PPP2R2B: variants seen among roughly 807,000 people sequenced by gnomAD.
PPP2R2B encodes the protein protein phosphatase 2 regulatory subunit Bbeta.
PPP2R2B carries 5 observed loss-of-function variants against 46.0 expected under a neutral mutation model. The observed-to-expected ratio is 0.11, with a 90% confidence interval of 0.06 to 0.23. PPP2R2B has a LOEUF of 0.23. PPP2R2B is among the 10% of genes least tolerant of loss of function. PPP2R2B has a pLI of 1.00. For missense variants in PPP2R2B, 367 were observed against 575.0 expected, an observed-to-expected ratio of 0.64 and a Z score of 3.70; for synonymous variants, 215 against 206.7, an observed-to-expected ratio of 1.04 and a Z score of -0.34.
rs184236275 is a variant in PPP2R2B at position 146,872,996 on chromosome 5, G to A, written c.70+5006C>T. On this transcript the variant is annotated intron_variant, in intron 2 of 9. Coordinates refer to ENST00000394411, the MANE Select transcript of PPP2R2B (RefSeq NM_181675.4). ...TGTTTAATCTCAAATTTATTATCTA[G>A]TCCAGGTCTTTCTCTTGAGCTTCAG... is the stretch of plus-strand genomic sequence containing the variant. 3.9e-4 allele frequency among the ~76,000 whole-genome samples: 59 copies of A among 152,152 alleles called. 2 individuals are homozygous for A. Among genetic ancestry groups the A allele is most frequent in the Admixed American group, 3.3e-3 (50 of 15,282 alleles).
intron 2 of PPP2R2B, among the ~76,000 whole-genome samples, chr5:146,711,932 C>T (rs1468559751): frequency 1.3e-5 from 2 of 152,124 alleles, no homozygotes; most frequent in Non-Finnish European, 2.9e-5. Flanking sequence ...GGAAACACAT[C>T]TCAGCCATAT....
At chr5:147,014,509 G>A (rs911341268) in intron 1 of PPP2R2B, among the ~76,000 whole-genome samples, 4 of 152,018 alleles carry the variant, frequency 2.6e-5, no homozygotes, top group Non-Finnish European at 5.9e-5. Flanking sequence ...ATGATAGACT[G>A]GATTAAGAAA....
At position 146,878,387 on chromosome 5, in the gene PPP2R2B, A is replaced by C; in HGVS notation, c.-124-192T>G. 7.0e-7 allele frequency: 1 copy of C among 1,428,340 alleles called. No homozygotes were observed. 88.5% of individuals were successfully genotyped at this position (1,428,340 alleles called of 1,614,324 possible). On this transcript the variant is annotated intron_variant, in intron 1 of 9. Transcript: ENST00000394411. The surrounding 1 kb of genome is among the most constrained non-coding windows in gnomAD (Gnocchi z 4.5). Reference sequence around the variant, plus strand: ...GGGTGCCAAGATACGCCGTGCCCCGAGGGGTCTGGTCCCGCCCGCCCGCCC... The same window carrying C: ...GGGTGCCAAGATACGCCGTGCCCCGCGGGGTCTGGTCCCGCCCGCCCGCCC...
chr5:146,649,934 T>A (rs1356445347), intron 6 of PPP2R2B, among the ~76,000 whole-genome samples: 1 of 152,170 alleles, frequency 6.6e-6, no homozygotes, highest in African/African-American at 2.4e-5. Flanking sequence ...CCTCTGAAAT[T>A]TCATCAAACT....
intron 2 of PPP2R2B, among the ~76,000 whole-genome samples, chr5:146,809,199 C>T (rs187374167): frequency 9.2e-5 from 14 of 152,212 alleles, no homozygotes; most frequent in Admixed American, 5.9e-4. Context: ...TCTATGTGGC[C>T]GTCAGGCTTT....
At chr5:146,879,692 A>T (rs960594073), upstream of PPP2R2B, among the ~76,000 whole-genome samples, 1 of 152,118 alleles carries the variant, frequency 6.6e-6, no homozygotes, top group Non-Finnish European at 1.5e-5. Flanking sequence ...CAAATTTCAA[A>T]CTCTACTTTT....
chr5:146,976,300 A>G (rs991651336), intron 1 of PPP2R2B, among the ~76,000 whole-genome samples: 5 of 151,522 alleles, frequency 3.3e-5, no homozygotes, highest in African/African-American at 1.2e-4. Flanking sequence ...ACTACGCCCA[A>G]CTAATTTTTG....
intron 2 of PPP2R2B, among the ~76,000 whole-genome samples, chr5:146,838,059 CT>C (rs1434953043): frequency 3.3e-5 from 5 of 152,256 alleles, no homozygotes; most frequent in African/African-American, 7.2e-5. Context: ...CCCTATGCCC[CT>C]GTCCTATGGC....
At chr5:146,860,279 C>G (rs1760907278) in intron 2 of PPP2R2B, among the ~76,000 whole-genome samples, 1 of 152,190 alleles carries the variant, frequency 6.6e-6, no homozygotes, top group Non-Finnish European at 1.5e-5. Flanking sequence ...TTCACTCTTT[C>G]AAGTTGCTAG....
chr5:146,792,365 A>C (rs1561910597), intron 2 of PPP2R2B, among the ~76,000 whole-genome samples: 1 of 152,206 alleles, frequency 6.6e-6, no homozygotes, highest in East Asian at 1.9e-4. Flanking sequence ...AGTCAATGCC[A>C]CATTGTTCAT....
rs201103388 is a variant in PPP2R2B at position 146,781,610 on chromosome 5, GA to G, written c.71-80469del. ...ACAGAACATAAGAGATCTGAGCCAAGAAAAAAAAAAAAGAGACAAAATTTTA... is the reference window on the plus strand; with the variant it reads ...ACAGAACATAAGAGATCTGAGCCAAGAAAAAAAAAAAGAGACAAAATTTTA... On this transcript the variant is annotated intron_variant, in intron 2 of 9. Coordinates refer to ENST00000394411, the MANE Select transcript of PPP2R2B (RefSeq NM_181675.4). Among the ~76,000 whole-genome samples, 1,232 of 125,904 alleles carry G rather than the reference GA, an allele frequency of 9.8e-3. 13 individuals carry two copies. Among genetic ancestry groups the G allele is most frequent in the Admixed American group, 0.028 (351 of 12,518 alleles). 82.6% of individuals were successfully genotyped at this position (125,904 alleles called of 152,430 possible).
chr5:146,818,801 T>C (rs1435286643), intron 2 of PPP2R2B, among the ~76,000 whole-genome samples: 1 of 152,212 alleles, frequency 6.6e-6, no homozygotes, highest in Non-Finnish European at 1.5e-5. Flanking sequence ...ATGTGAGTTT[T>C]AGTCTATCTT....
At chr5:146,768,489 T>C (rs1754629635) in intron 2 of PPP2R2B, among the ~76,000 whole-genome samples, 1 of 152,156 alleles carries the variant, frequency 6.6e-6, no homozygotes, top group African/African-American at 2.4e-5. Context: ...CAGACCAACC[T>C]CATCTCTCAC....
chr5:146,629,438 C>A (rs1451866676), intron 7 of PPP2R2B, among the ~76,000 whole-genome samples: 6 of 152,348 alleles, frequency 3.9e-5, no homozygotes, highest in African/African-American at 1.4e-4. Flanking sequence ...CCACTTACCA[C>A]TACTTCACTG....
At chr5:146,993,889 G>A in intron 1 of PPP2R2B, among the ~76,000 whole-genome samples, 1 of 152,010 alleles carries the variant, frequency 6.6e-6, no homozygotes, top group East Asian at 1.9e-4. Flanking sequence ...GTTAGTAGCT[G>A]TTCTCTAAGG....
chr5:146,883,002 T>C (rs1353253756), upstream of PPP2R2B, among the ~76,000 whole-genome samples: 2 of 152,212 alleles, frequency 1.3e-5, no homozygotes, highest in Non-Finnish European at 2.9e-5. Context: ...TTCCTTAGGC[T>C]AATGCTTCCT....
intron 1 of PPP2R2B, among the ~76,000 whole-genome samples, chr5:146,940,654 G>A (rs185289159): frequency 3.9e-5 from 6 of 152,024 alleles, no homozygotes; most frequent in African/African-American, 7.2e-5. Context: ...CCTTTTCTTC[G>A]TATAAACTTG....
At chr5:146,843,776 G>C (rs1490592762) in intron 2 of PPP2R2B, among the ~76,000 whole-genome samples, 2 of 152,046 alleles carry the variant, frequency 1.3e-5, no homozygotes, top group Non-Finnish European at 2.9e-5. Flanking sequence ...CAAAGGACAT[G>C]AACTCATCAT....
At chr5:146,726,766 A>G (rs907758215) in intron 2 of PPP2R2B, among the ~76,000 whole-genome samples, 1 of 152,186 alleles carries the variant, frequency 6.6e-6, no homozygotes, top group Non-Finnish European at 1.5e-5. Flanking sequence ...AGGATTTCCC[A>G]CAGTCTCTTT....
Sources: gnomAD v4.1 joint callset for allele counts (sites outside exome capture counted in the v4.1 genomes callset) on GRCh38, gnomAD v4.1.1 for gene constraint, Gnocchi (gnomAD v3.1) non-coding constraint, MANE v1.5 for transcripts, NCBI Gene and HGNC (gene_info 2026-07-23, HGNC 2026-07-21) for gene names.